The following IL1RAPL2 variants were observed in gnomAD, a reference collection of about 807,000 sequenced individuals.
IL1RAPL2 encodes the protein interleukin 1 receptor accessory protein like 2.
IL1RAPL2 carries 3 observed loss-of-function variants against 44.1 expected under a neutral mutation model. The ratio of observed to expected loss-of-function variants is 0.07; its 90% CI spans 0.03 to 0.18. IL1RAPL2 has a LOEUF of 0.18. Among genes scored for constraint, IL1RAPL2 ranks in the 10% least tolerant of loss-of-function variants. IL1RAPL2 has a pLI of 1.00. For missense variants in IL1RAPL2, 391 were observed against 496.4 expected, an observed-to-expected ratio of 0.79 and a Z score of 2.02; for synonymous variants, 181 against 178.8, an observed-to-expected ratio of 1.01 and a Z score of -0.10.
intron 6 of IL1RAPL2, among the ~76,000 whole-genome samples, chrX:105,684,730 A>C (rs1283340630): frequency 8.9e-6 from 1 of 112,338 alleles, no homozygotes; most frequent in East Asian, 2.8e-4. Context: ...TGCCTCCTCA[A>C]GTGGGTCCCT....
At chrX:104,659,976 A>T (rs1056128653) in intron 2 of IL1RAPL2, among the ~76,000 whole-genome samples, 1 of 111,809 alleles carries the variant, frequency 8.9e-6, no homozygotes, top group South Asian at 3.7e-4. Flanking sequence ...TCTTCAATTG[A>T]TAGCATATTA....
intron 2 of IL1RAPL2, among the ~76,000 whole-genome samples, chrX:104,928,300 C>G (rs1924819940): frequency 9.0e-6 from 1 of 111,501 alleles, no homozygotes; most frequent in Admixed American, 9.5e-5. Context: ...TGATTAGATT[C>G]ATTATAGATA....
At chrX:104,789,781 A>G (rs1426759292) in intron 2 of IL1RAPL2, among the ~76,000 whole-genome samples, 1 of 112,458 alleles carries the variant, frequency 8.9e-6, no homozygotes, top group Non-Finnish European at 1.9e-5. Flanking sequence ...GAAATATCCA[A>G]AATTCACTGG....
intron 5 of IL1RAPL2, among the ~76,000 whole-genome samples, chrX:105,419,448 AG>A (rs1213834547): frequency 3.6e-5 from 4 of 111,649 alleles, no homozygotes. Flanking sequence ...ATATCTACCA[AG>A]GATTCCACGT....
At chrX:105,420,602 A>G (rs1462941987) in intron 5 of IL1RAPL2, among the ~76,000 whole-genome samples, 2 of 111,983 alleles carry the variant, frequency 1.8e-5, no homozygotes, top group Non-Finnish European at 3.8e-5. Context: ...TAAAAGTTAC[A>G]TTTATATTGA....
chrX:105,750,222 C>CT (rs751878067), intron 9 of IL1RAPL2, among the ~76,000 whole-genome samples: 32 of 92,621 alleles, frequency 3.5e-4, no homozygotes, highest in Non-Finnish European at 4.2e-4. Flanking sequence ...TACAGAAATT[C>CT]TTTTTTTTTT....
chrX:105,220,348 A>G, intron 3 of IL1RAPL2: 1 of 1,204,507 alleles, frequency 8.3e-7, no homozygotes, highest in Non-Finnish European at 1.1e-6. Context: ...GAAGGCCACC[A>G]CGTTGCTATG....
At chrX:105,403,015 T>C (rs1163929849) in intron 5 of IL1RAPL2, among the ~76,000 whole-genome samples, 1 of 112,028 alleles carries the variant, frequency 8.9e-6, no homozygotes, top group African/African-American at 3.2e-5. Flanking sequence ...ACTTCACCAA[T>C]TAAAGTGTGC....
At chrX:105,195,253 G>A (rs1214665024) in intron 2 of IL1RAPL2, among the ~76,000 whole-genome samples, 1 of 108,277 alleles carries the variant, frequency 9.2e-6, no homozygotes, top group Non-Finnish European at 1.9e-5. Context: ...AGCAGAAGGT[G>A]GCTGTAGAAT....
chrX:105,129,833 C>A (rs965485007), intron 2 of IL1RAPL2, among the ~76,000 whole-genome samples: 2 of 110,380 alleles, frequency 1.8e-5, no homozygotes, highest in African/African-American at 6.6e-5. Context: ...CTGCTTAGAA[C>A]CCTTCAGTGG....
intron 6 of IL1RAPL2, among the ~76,000 whole-genome samples, chrX:105,691,984 A>T (rs1220394038): frequency 8.9e-6 from 1 of 112,050 alleles, no homozygotes; most frequent in Non-Finnish European, 1.9e-5. Context: ...ACTGAAAAAT[A>T]GATTTCTACT....
At position 105,339,518 on chromosome X, in the gene IL1RAPL2, A is replaced by G. The variant is rs752786419; in HGVS notation, c.697+71977A>G. Reference sequence around the variant, plus strand: ...TGGGTAGGAGGATAAGGGGAGATACATTTTAAACTAAAACATTAAAATGAA... The same window carrying G: ...TGGGTAGGAGGATAAGGGGAGATACGTTTTAAACTAAAACATTAAAATGAA... On this transcript the variant is annotated intron_variant, in intron 5 of 10. Transcript: ENST00000372582. 8.0e-5 allele frequency among the ~76,000 whole-genome samples: 9 copies of G among 111,822 alleles called. No individual in the cohort carries two copies. In the South Asian group the frequency reaches 3.4e-3, roughly 42 times the overall value.
chrX:104,888,129 C>T (rs759229768), intron 2 of IL1RAPL2, among the ~76,000 whole-genome samples: 19 of 110,075 alleles, frequency 1.7e-4, no homozygotes, highest in East Asian at 5.7e-4. Flanking sequence ...AGTCTTACAC[C>T]GCCAAAGCCA....
chrX:104,906,316 C>T lies in IL1RAPL2; in HGVS notation c.82+247321C>T, dbSNP rs774346943. On this transcript the variant is annotated intron_variant, in intron 2 of 10. Transcript: ENST00000372582. ...TTTATTTCCTTCTCCTGCCTAATTG[C>T]CCTGGCCAGAACTTCCAACACTATG... Among the ~76,000 whole-genome samples, 678 of 110,232 alleles carry T rather than the reference C, an allele frequency of 6.2e-3. 3 individuals carry two copies. Among genetic ancestry groups the T allele is most frequent in the African/African-American group, 0.021 (646 of 30,335 alleles).
intron 2 of IL1RAPL2, among the ~76,000 whole-genome samples, chrX:104,660,625 A>ACACT (rs1930377223): frequency 9.6e-6 from 1 of 104,637 alleles, no homozygotes; most frequent in Non-Finnish European, 1.9e-5. Context: ...GTATAGACAC[A>ACACT]CACACACACA....
At chrX:104,881,075 C>T (rs1472451864) in intron 2 of IL1RAPL2, among the ~76,000 whole-genome samples, 1 of 111,307 alleles carries the variant, frequency 9.0e-6, no homozygotes, top group Non-Finnish European at 1.9e-5. Context: ...CAAGGTCATT[C>T]TAGGCTCTCA....
intron 2 of IL1RAPL2, among the ~76,000 whole-genome samples, chrX:104,665,654 A>G (rs894476309): frequency 9.0e-6 from 1 of 111,261 alleles, no homozygotes; most frequent in Non-Finnish European, 1.9e-5. Context: ...TGTACGTACT[A>G]TTCTCCAACC....
intron 2 of IL1RAPL2, among the ~76,000 whole-genome samples, chrX:104,894,982 G>C (rs1923592604): frequency 8.9e-6 from 1 of 112,602 alleles, no homozygotes; most frequent in African/African-American, 3.2e-5. Flanking sequence ...TGTCCTTTCT[G>C]TTTGTTAGTT....
rs187400369 is a variant in IL1RAPL2, at chrX:105,111,842, C to T, written c.83-83633C>T. On this transcript the variant is annotated intron_variant, in intron 2 of 10. Coordinates refer to ENST00000372582, the MANE Select transcript of IL1RAPL2 (RefSeq NM_017416.2). ...GAAATTATATGGTAGACATTTAATG[C>T]ATTCTTTCTGAATCTTTCTGTAGAT... 2.0e-3 allele frequency among the ~76,000 whole-genome samples: 224 copies of T among 111,977 alleles called. 1 individual carries two copies. The highest frequency in any genetic ancestry group is 9.2e-3 in the Middle Eastern group (2 of 217).
Sources: gnomAD v4.1 joint callset for allele counts (sites outside exome capture counted in the v4.1 genomes callset) on GRCh38, gnomAD v4.1.1 for gene constraint, MANE v1.5 for transcripts, NCBI Gene and HGNC (gene_info 2026-07-23, HGNC 2026-07-21) for gene names.